SUPV3L1: variants seen among roughly 807,000 people sequenced by gnomAD.
The protein encoded by SUPV3L1 is ATP-dependent RNA helicase SUPV3L1, mitochondrial.
SUPV3L1 carries 35 observed loss-of-function variants against 70.0 expected under a neutral mutation model. The observed-to-expected ratio is 0.50, with a 90% CI of 0.38 to 0.66. SUPV3L1 has a LOEUF of 0.66. Ranked by LOEUF, SUPV3L1 falls within the 30% of genes least tolerant of loss-of-function variation. The pLI is 0.00. For missense variants in SUPV3L1, 777 were observed against 961.5 expected, an observed-to-expected ratio of 0.81 and a Z score of 2.54; for synonymous variants, 364 against 341.9, an observed-to-expected ratio of 1.06 and a Z score of -0.71.
At chr10:69,184,484 G>C (rs1453865477) in intron 1 of SUPV3L1, among the ~76,000 whole-genome samples, 1 of 152,158 alleles carries the variant, frequency 6.6e-6, no homozygotes, top group Non-Finnish European at 1.5e-5. Flanking sequence ...GCAGTGAGCT[G>C]AGATCGCGCC....
Position 69,191,688 on chromosome 10 carries a change from C to CGT in SUPV3L1, c.779_780dup (p.Thr261Ter). 2 of 1,613,950 alleles carry CGT rather than the reference C, an allele frequency of 1.2e-6. No homozygotes were observed. The highest frequency in any genetic ancestry group is 1.7e-6 in the Non-Finnish European group (2 of 1,179,986). On this transcript the variant is annotated frameshift_variant, in exon 6 of 15. Coordinates refer to ENST00000359655, the MANE Select transcript of SUPV3L1 (RefSeq NM_003171.5). LOFTEE classifies it high-confidence loss of function. ...ATGTGACTTGGTGACAGGTGAAGAG[C>CGT]GTGTGACAGTTCAGCCAAATGGGAA...
At chr10:69,201,782 T>C (rs1035718760) in intron 11 of SUPV3L1, among the ~76,000 whole-genome samples, 3 of 151,294 alleles carry the variant, frequency 2.0e-5, no homozygotes, top group African/African-American at 7.3e-5. Flanking sequence ...CAAGTAATCC[T>C]CCCACCTTGG....
chr10:69,200,794 G>A (rs1842663723), intron 11 of SUPV3L1, among the ~76,000 whole-genome samples: 1 of 152,180 alleles, frequency 6.6e-6, no homozygotes, highest in African/African-American at 2.4e-5. Context: ...AGGGAGAAAA[G>A]CAGTTTCTTC....
chr10:69,191,809 ATTT>A (rs370229180), intron 6 of SUPV3L1, 43 bp downstream of exon 6: 42 of 1,173,346 alleles, frequency 3.6e-5, no homozygotes, highest in East Asian at 8.5e-5. Flanking sequence ...GGTATTTTTA[ATTT>A]TTTTTTTTTT....
At chr10:69,203,295 G>T (rs1013233878) in intron 13 of SUPV3L1, among the ~76,000 whole-genome samples, 2 of 152,120 alleles carry the variant, frequency 1.3e-5, no homozygotes, top group African/African-American at 4.8e-5. Flanking sequence ...TTTGGGTAGG[G>T]ATGCAAATCT....
At position 69,191,767 on chromosome 10, in the gene SUPV3L1, G is replaced by C. The variant is rs745573670; in HGVS notation, c.853+1G>C. ...GAGATGTGCAGTGTTACAACTCCTT[G>C]TATGTATATGCTGTTTAAGAAACTA... On this transcript the variant is annotated splice_donor_variant, in intron 6 of 14. Coordinates refer to ENST00000359655, the MANE Select transcript of SUPV3L1 (RefSeq NM_003171.5). LOFTEE classifies it high-confidence loss of function. 1 of 1,597,890 alleles carries C rather than the reference G, an allele frequency of 6.3e-7. No individual in the cohort carries two copies. The highest frequency in any genetic ancestry group is 8.6e-7 in the Non-Finnish European group (1 of 1,167,118).
chr10:69,208,002 T>C lies in SUPV3L1; in HGVS notation c.1925+61T>C, dbSNP rs147002758. The C allele has an allele frequency of 2.5e-6, 4 of 1,573,354 alleles. No individual in the cohort carries two copies. In the East Asian group the frequency reaches 6.7e-5, roughly 26 times the overall value. ...CTAGTAGGACAAATTAAAGGTTTTATGAATTTGTTTTTCTATTTCAAATTA... is the reference window on the plus strand; with the variant it reads ...CTAGTAGGACAAATTAAAGGTTTTACGAATTTGTTTTTCTATTTCAAATTA... On this transcript the variant is annotated intron_variant, in intron 14 of 14. Coordinates refer to ENST00000359655, the MANE Select transcript of SUPV3L1 (RefSeq NM_003171.5).
intron 11 of SUPV3L1, among the ~76,000 whole-genome samples, chr10:69,200,784 AG>A (rs775265851): frequency 3.3e-5 from 5 of 152,222 alleles, no homozygotes; most frequent in African/African-American, 9.6e-5. Flanking sequence ...GGGAAGGAAC[AG>A]GGAGAAAAGC....
At chr10:69,202,308 A>C in intron 11 of SUPV3L1, 131 bp from the exon 12 acceptor site, 3 of 600,140 alleles carry the variant, frequency 5.0e-6, no homozygotes, top group Non-Finnish European at 8.4e-6. Flanking sequence ...CTTTTACTCA[A>C]ATTCTTGGCA....
chr10:69,188,518 A>T (rs1349309387), intron 4 of SUPV3L1, among the ~76,000 whole-genome samples: 2 of 72,910 alleles, frequency 2.7e-5, no homozygotes. Flanking sequence ...TTTGTTTTTG[A>T]GAGAGAGTCT....
rs1842328016 is a variant in SUPV3L1, at chr10:69,189,444, A to G, written c.741+9A>G. On this transcript the variant is annotated intron_variant, in intron 5 of 14. Coordinates refer to ENST00000359655, the MANE Select transcript of SUPV3L1 (RefSeq NM_003171.5). Reference sequence around the variant, plus strand: ...AAAAGAGTAATGCTGCTGTCAGTATATTACCAAATATTTGCTCATTTTTTT... The same window carrying G: ...AAAAGAGTAATGCTGCTGTCAGTATGTTACCAAATATTTGCTCATTTTTTT... The G allele has an allele frequency of 6.4e-7, 1 of 1,555,112 alleles. No individual in the cohort carries two copies. The highest frequency in any genetic ancestry group is 8.7e-7 in the Non-Finnish European group (1 of 1,150,184).
intron 6 of SUPV3L1, 129 bp from the exon 7 acceptor site, chr10:69,195,059 G>C: frequency 1.6e-6 from 1 of 617,416 alleles, no homozygotes; most frequent in Non-Finnish European, 2.7e-6. Context: ...GAACAAACCT[G>C]CTGGAAAAGA....
intron 11 of SUPV3L1, among the ~76,000 whole-genome samples, chr10:69,202,176 G>GA (rs1842701247): frequency 6.6e-6 from 1 of 152,056 alleles, no homozygotes; most frequent in Admixed American, 6.6e-5. Flanking sequence ...GATCATCATA[G>GA]GTTTTAGAAA....
At chr10:69,192,887 A>AT (rs1271827616) in intron 6 of SUPV3L1, 1 of 152,076 alleles carries the variant, frequency 6.6e-6, no homozygotes, top group Non-Finnish European at 1.5e-5. Context: ...TTATTAATAA[A>AT]TTTTTTGTGG....
Position 69,202,949 on chromosome 10 carries a change from T to C in SUPV3L1, c.1682T>C (p.Ile561Thr), listed in dbSNP as rs186986209. ...MDDFKFSAEL[I>T]QHIPLSLRVR... ...GATTTTAAATTTTCTGCAGAGTTGA[T>C]CCAGCATATTCCACTAAGTCTGCGA... Residue 561 changes from isoleucine to threonine, a missense_variant, in exon 13 of 15, where the codon ATC (isoleucine) becomes ACC (threonine). By Grantham distance (89) the Ile-to-Thr change is moderately conservative. Coordinates refer to ENST00000359655, the MANE Select transcript of SUPV3L1 (RefSeq NM_003171.5). 46 of 1,614,158 alleles carry C rather than the reference T, an allele frequency of 2.8e-5. No individual in the cohort carries two copies. The East Asian group carries it at 9.8e-4, about 34-fold the overall frequency.
In SUPV3L1 at chr10:69,186,406, A is replaced by G; in HGVS notation, c.350-37A>G. 2.7e-6 allele frequency: 4 copies of G among 1,495,580 alleles called. No homozygotes were observed. The East Asian group carries it at 9.1e-5, about 34-fold the overall frequency. 92.6% of individuals were successfully genotyped at this position (1,495,580 alleles called of 1,614,324 possible). On this transcript the variant is annotated intron_variant, in intron 2 of 14. Coordinates refer to ENST00000359655, the MANE Select transcript of SUPV3L1 (RefSeq NM_003171.5). ...TGTCTGTGTGCTTTTTAAAATGAGA[A>G]CTACACCTTACATCTTTTCATTTTG...
intron 13 of SUPV3L1, among the ~76,000 whole-genome samples, chr10:69,203,663 C>CAA (rs1307849343): frequency 0.21 from 18,570 of 88,332 alleles, 1,643 homozygotes; most frequent in Non-Finnish European, 0.29. Flanking sequence ...GACTCTGTCT[C>CAA]AAAAAAAAAA....
intron 2 of SUPV3L1, 70 bp from the exon 3 acceptor site, chr10:69,186,373 G>T (rs2132269956): frequency 9.4e-7 from 1 of 1,067,070 alleles, no homozygotes; most frequent in Middle Eastern, 2.0e-4. Flanking sequence ...GATGAGTTTG[G>T]TGTGGTGTGT....
chr10:69,202,109 G>A (rs1842698795), intron 11 of SUPV3L1, among the ~76,000 whole-genome samples: 1 of 152,080 alleles, frequency 6.6e-6, no homozygotes, highest in South Asian at 2.1e-4. Flanking sequence ...AAAGTGCTGG[G>A]ATTACAGGCA....
Sources: gnomAD v4.1 joint callset for allele counts (sites outside exome capture counted in the v4.1 genomes callset) on GRCh38, gnomAD v4.1.1 for gene constraint, MANE v1.5 for transcripts, NCBI Gene and HGNC (gene_info 2026-07-23, HGNC 2026-07-21) for gene names.